C2CD5: variants seen among roughly 807,000 people sequenced by gnomAD.
C2CD5 encodes the protein C2 calcium dependent domain containing 5.
A neutral mutation model predicts 130.3 loss-of-function variants in C2CD5; 109 were observed. The observed-to-expected ratio is 0.84, with a 90% CI of 0.72 to 0.98. C2CD5 has a LOEUF of 0.98. Among genes scored for constraint, C2CD5 ranks in the 50% least tolerant of loss-of-function variants. The pLI is 0.00. For missense variants in C2CD5, 996 were observed against 1,261.8 expected (o/e 0.79, Z 3.19); for synonymous variants, 454 against 429.2 (o/e 1.06, Z -0.71).
At chr12:22,483,740 G>A (rs1020086632) in intron 13 of C2CD5, among the ~76,000 whole-genome samples, 1 of 152,136 alleles carries the variant, frequency 6.6e-6, no homozygotes, top group African/African-American at 2.4e-5. Context: ...GATGTGGGGA[G>A]GTTGAGAAAG....
intron 14 of C2CD5, 89 bp from the exon 15 acceptor site, chr12:22,478,566 C>G: frequency 2.6e-6 from 3 of 1,166,044 alleles, no homozygotes; most frequent in Non-Finnish European, 3.7e-6. Flanking sequence ...TGGTCAACAG[C>G]TGGGTGCAGT....
At chr12:22,487,036 C>T (rs1482028814) in intron 12 of C2CD5, among the ~76,000 whole-genome samples, 1 of 152,058 alleles carries the variant, frequency 6.6e-6, no homozygotes, top group Non-Finnish European at 1.5e-5. Context: ...CTTCCTTACA[C>T]CTTATACAAA....
At chr12:22,541,087 T>C (rs1052223999) in intron 2 of C2CD5, among the ~76,000 whole-genome samples, 17 of 152,134 alleles carry the variant, frequency 1.1e-4, no homozygotes, top group African/African-American at 4.1e-4. Context: ...TTGAATGCCA[T>C]AGTCATAAAT....
chr12:22,518,415 T>C (rs1949967997), intron 7 of C2CD5, among the ~76,000 whole-genome samples: 1 of 151,640 alleles, frequency 6.6e-6, no homozygotes. Flanking sequence ...AAAGGAGAAA[T>C]AAAAAGAATA....
At chr12:22,471,020 G>T in intron 20 of C2CD5, 109 bp from the exon 21 acceptor site, 1 of 667,170 alleles carries the variant, frequency 1.5e-6, no homozygotes, top group Non-Finnish European at 2.6e-6. Context: ...TACCTTTTCT[G>T]GTTAAAATCC....
chr12:22,485,465 T>G (rs987336717), intron 12 of C2CD5, among the ~76,000 whole-genome samples: 12 of 152,002 alleles, frequency 7.9e-5, no homozygotes, highest in African/African-American at 2.7e-4. Context: ...ATACAGCTAC[T>G]AGGTACCCCC....
intron 14 of C2CD5, among the ~76,000 whole-genome samples, chr12:22,479,474 C>CT (rs1407953497): frequency 6.6e-6 from 1 of 152,008 alleles, no homozygotes; most frequent in African/African-American, 2.4e-5. Context: ...AGCAGATGCT[C>CT]TATCTTTAAA....
intron 15 of C2CD5, chr12:22,477,216 T>G (rs992459743): frequency 6.6e-6 from 1 of 152,180 alleles, no homozygotes; most frequent in Non-Finnish European, 1.5e-5. Context: ...TTTACACTAC[T>G]TTTTCACAGT....
At chr12:22,504,707 T>C (rs1371279207) in intron 10 of C2CD5, among the ~76,000 whole-genome samples, 1 of 152,222 alleles carries the variant, frequency 6.6e-6, no homozygotes, top group Non-Finnish European at 1.5e-5. Context: ...TATTAAAATA[T>C]TTGAGTCAAT....
intron 3 of C2CD5, among the ~76,000 whole-genome samples, chr12:22,530,364 A>C (rs948193209): frequency 3.3e-5 from 5 of 151,342 alleles, no homozygotes; most frequent in African/African-American, 1.2e-4. Flanking sequence ...AAAAAGTACT[A>C]CATAATCAAT....
rs1013697876 is a variant in C2CD5, at chr12:22,544,476, C to G, written c.-186G>C. The stretch of plus-strand genomic sequence containing the variant: ...AGCATCCCGTTGAGCCTCTGCCGCC[C>G]CTGCTTGTCTCTCCTCCCCCGCTCT... On this transcript the variant is annotated 5_prime_UTR_variant, in exon 1 of 27. Transcript: ENST00000446597. The G allele has an allele frequency of 9.3e-6, 2 of 216,132 alleles. No individual in the cohort carries two copies. The highest frequency in any genetic ancestry group is 1.2e-4 in the East Asian group (1 of 8,402). 13.4% of individuals were successfully genotyped at this position (216,132 alleles called of 1,614,324 possible).
intron 10 of C2CD5, among the ~76,000 whole-genome samples, chr12:22,505,664 T>C (rs1162357947): frequency 6.6e-6 from 1 of 152,166 alleles, no homozygotes; most frequent in Non-Finnish European, 1.5e-5. Context: ...GTTCCCACTA[T>C]TCATCATGCT....
At chr12:22,457,914 G>C (rs1411246727) in intron 24 of C2CD5, among the ~76,000 whole-genome samples, 1 of 152,062 alleles carries the variant, frequency 6.6e-6, no homozygotes, top group Non-Finnish European at 1.5e-5. Flanking sequence ...GATCTGGCTG[G>C]TTTCACATCC....
In C2CD5 at chr12:22,472,747, AAGG is replaced by A; in HGVS notation, c.2101_2103del (p.Pro701del). Reference sequence around the variant, plus strand: ...CAAAGATAACTTTTTTGTTCACCTGAAGGAGGAGGAACATCAGTAAGTAGAGAA... The same window carrying A: ...CAAAGATAACTTTTTTGTTCACCTGAAGGAGGAACATCAGTAAGTAGAGAA... On this transcript the variant is annotated inframe_deletion, in exon 17 of 27. Transcript: ENST00000446597. The A allele has an allele frequency of 6.5e-7, 1 of 1,547,040 alleles. No individual in the cohort carries two copies. The highest frequency in any genetic ancestry group is 8.9e-7 in the Non-Finnish European group (1 of 1,119,658).
At chr12:22,538,700 T>A (rs988174918) in intron 2 of C2CD5, among the ~76,000 whole-genome samples, 3 of 152,222 alleles carry the variant, frequency 2.0e-5, no homozygotes, top group Non-Finnish European at 4.4e-5. Context: ...CACATATGAA[T>A]GAAATTCATT....
chr12:22,515,359 C>A (rs1357265623), intron 8 of C2CD5, among the ~76,000 whole-genome samples: 3 of 152,144 alleles, frequency 2.0e-5, no homozygotes, highest in African/African-American at 4.8e-5. Flanking sequence ...CTTAACAAAA[C>A]CTTTACAAAC....
At chr12:22,477,759 T>A (rs923013202) in intron 15 of C2CD5, among the ~76,000 whole-genome samples, 2 of 152,194 alleles carry the variant, frequency 1.3e-5, no homozygotes, top group South Asian at 4.1e-4. Flanking sequence ...AAAAGACTGA[T>A]TAAAGGAAAT....
At chr12:22,535,502 A>G (rs1951735185) in intron 2 of C2CD5, among the ~76,000 whole-genome samples, 158 bp from the exon 3 acceptor site, 1 of 152,184 alleles carries the variant, frequency 6.6e-6, no homozygotes, top group South Asian at 2.1e-4. Context: ...GATCCAGGTA[A>G]GATTGTAGAC....
chr12:22,503,103 A>G (rs1336464541), intron 10 of C2CD5, among the ~76,000 whole-genome samples: 3 of 152,214 alleles, frequency 2.0e-5, no homozygotes, highest in Non-Finnish European at 1.5e-5. Context: ...TCTTTAAAAA[A>G]GCCTCCAAAA....
Sources: allele counts gnomAD v4.1 joint callset (sites outside exome capture counted in the v4.1 genomes callset), GRCh38; gene constraint gnomAD v4.1.1; transcripts MANE v1.5; gene names NCBI Gene and HGNC (gene_info 2026-07-23, HGNC 2026-07-21).